The following CCDC192 variants were observed in gnomAD, a reference collection of about 807,000 sequenced individuals.
CCDC192 encodes the protein coiled-coil domain-containing protein 192.
chr5:127,910,230 A>C (rs941430167), intron 6 of CCDC192, among the ~76,000 whole-genome samples: 19 of 152,232 alleles, frequency 1.2e-4, no homozygotes, highest in African/African-American at 4.6e-4. Context: ...AAGATGATGA[A>C]TGTAAAATCC....
chr5:127,805,361 C>A (rs1757723658), intron 5 of CCDC192, among the ~76,000 whole-genome samples: 1 of 152,176 alleles, frequency 6.6e-6, no homozygotes, highest in Non-Finnish European at 1.5e-5. Flanking sequence ...TGTAGCACAG[C>A]AGACTTGCGT....
At position 127,837,280 on chromosome 5, in the gene CCDC192, A is replaced by G. The variant is rs147095869; in HGVS notation, c.412-38258A>G. ...CAAGACTGGATAACTTATAAAGAAA[A>G]CAGGTTTAATTGACTCACAGTTCTA... On this transcript the variant is annotated intron_variant, in intron 5 of 6. Transcript: ENST00000514853. Among the ~76,000 whole-genome samples the G allele has an allele frequency of 5.3e-3, 434 of 81,900 alleles. 167 individuals are homozygous for G. Among genetic ancestry groups the G allele is most frequent in the South Asian group, 0.042 (126 of 2,974 alleles). 53.7% of individuals were successfully genotyped at this position (81,900 alleles called of 152,430 possible). A position where few individuals can be genotyped will look rare whatever the true frequency, so the allele number is the denominator to read the frequency against.
intron 6 of CCDC192, chr5:127,940,439 CGTT>C (rs1754356816): frequency 2.7e-5 from 3 of 111,238 alleles, no homozygotes; most frequent in Non-Finnish European, 3.8e-5. Flanking sequence ...GCAACCTTTT[CGTT>C]ATTTATTTAT....
chr5:127,915,226 C>T (rs1269513474), intron 6 of CCDC192, among the ~76,000 whole-genome samples: 1 of 152,128 alleles, frequency 6.6e-6, no homozygotes, highest in Non-Finnish European at 1.5e-5. Context: ...AAACAATGCA[C>T]ATACCTTAAT....
chr5:127,732,550 T>A (rs1752701273), intron 2 of CCDC192, among the ~76,000 whole-genome samples: 1 of 152,214 alleles, frequency 6.6e-6, no homozygotes, highest in African/African-American at 2.4e-5. Flanking sequence ...ACGCATATGT[T>A]CATTGCAGCA....
At chr5:127,822,042 A>G (rs1448806733) in intron 5 of CCDC192, among the ~76,000 whole-genome samples, 1 of 152,250 alleles carries the variant, frequency 6.6e-6, no homozygotes, top group Non-Finnish European at 1.5e-5. Flanking sequence ...GCTACTTTTA[A>G]TTAGTTGTCT....
intron 3 of CCDC192, among the ~76,000 whole-genome samples, chr5:127,770,988 G>T (rs1384464359): frequency 6.6e-6 from 1 of 152,086 alleles, no homozygotes; most frequent in Non-Finnish European, 1.5e-5. Flanking sequence ...CAGTATTCCT[G>T]GCTAGAGGGA....
At chr5:127,939,462 T>C (rs1158506265) in intron 6 of CCDC192, among the ~76,000 whole-genome samples, 1 of 152,132 alleles carries the variant, frequency 6.6e-6, no homozygotes, top group Non-Finnish European at 1.5e-5. Flanking sequence ...TTAAACATTC[T>C]AACAAATTCA....
At chr5:127,780,214 G>T (rs190391447) in intron 3 of CCDC192, among the ~76,000 whole-genome samples, 1 of 151,930 alleles carries the variant, frequency 6.6e-6, no homozygotes, top group Non-Finnish European at 1.5e-5. Context: ...CTCATTGATT[G>T]ATGAGCATTT....
At chr5:127,918,216 TAAAAAAA>T (rs1219307107) in intron 6 of CCDC192, among the ~76,000 whole-genome samples, 5 of 100,420 alleles carry the variant, frequency 5.0e-5, no homozygotes, top group African/African-American at 1.4e-4. Context: ...CTTCAATTTG[TAAAAAAA>T]AAAAAAAAAA....
intron 6 of CCDC192, among the ~76,000 whole-genome samples, chr5:127,917,266 G>T (rs2409036): frequency 0.039 from 6,014 of 152,260 alleles, 414 homozygotes; most frequent in East Asian, 0.3. Flanking sequence ...TGGCTGGTTT[G>T]TACTTCTATC....
At chr5:127,773,903 T>C (rs1372258907) in intron 3 of CCDC192, among the ~76,000 whole-genome samples, 2 of 152,190 alleles carry the variant, frequency 1.3e-5, no homozygotes, top group Non-Finnish European at 1.5e-5. Context: ...CTATTATTTC[T>C]CCATATCCTC....
At chr5:127,881,462 A>G (rs894844852) in intron 6 of CCDC192, among the ~76,000 whole-genome samples, 1 of 152,200 alleles carries the variant, frequency 6.6e-6, no homozygotes, top group South Asian at 2.1e-4. Context: ...TAAGCAGTCT[A>G]TAGGTCATTC....
intron 6 of CCDC192, among the ~76,000 whole-genome samples, chr5:127,913,435 C>T (rs1434729977): frequency 2.0e-5 from 3 of 152,132 alleles, no homozygotes; most frequent in Admixed American, 1.3e-4. Context: ...TCACTGACCA[C>T]CAAAGAGAAA....
chr5:127,790,218 G>C (rs1756787399), intron 3 of CCDC192, among the ~76,000 whole-genome samples: 1 of 152,062 alleles, frequency 6.6e-6, no homozygotes, highest in Non-Finnish European at 1.5e-5. Context: ...GATGTATGTG[G>C]GACTCATCAC....
chr5:127,725,167 G>A lies in CCDC192; in HGVS notation c.114+17407G>A, dbSNP rs182456218. Among the ~76,000 whole-genome samples the A allele has an allele frequency of 3.9e-5, 6 of 152,260 alleles. No individual in the cohort carries two copies. The East Asian group carries it at 1.2e-3, about 29-fold the overall frequency. ...GCAAAAGAGGAAAGCCCAAATTCTT[G>A]TTGCAAAATATGGTGTGATACAGTC... On this transcript the variant is annotated intron_variant, in intron 2 of 6. Coordinates refer to ENST00000514853, the MANE Select transcript of CCDC192 (RefSeq NM_001317938.2).
chr5:127,719,480 T>TATATATATATACACACACATAC (rs1751843846), intron 2 of CCDC192, among the ~76,000 whole-genome samples: 1 of 51,616 alleles, frequency 1.9e-5, no homozygotes, highest in Non-Finnish European at 4.4e-5. Context: ...CACATACATA[T>TATATATATATACACACACATAC]ATATATATAT....
chr5:127,751,750 A>G (rs1427719400), intron 2 of CCDC192, among the ~76,000 whole-genome samples: 3 of 152,098 alleles, frequency 2.0e-5, no homozygotes, highest in African/African-American at 7.2e-5. Flanking sequence ...TTTCAGGTAC[A>G]CCAATCAGAC....
chr5:127,931,090 C>T (rs955613184), intron 6 of CCDC192, among the ~76,000 whole-genome samples: 5 of 152,184 alleles, frequency 3.3e-5, no homozygotes, highest in African/African-American at 9.6e-5. Flanking sequence ...GTGGGGGATT[C>T]ACTTCCTCCC....
Sources: allele counts gnomAD v4.1 joint callset (sites outside exome capture counted in the v4.1 genomes callset), GRCh38; gene constraint gnomAD v4.1.1; transcripts MANE v1.5; gene names NCBI Gene and HGNC (gene_info 2026-07-23, HGNC 2026-07-21).